DNAJC1: variants seen among roughly 807,000 people sequenced by gnomAD.
DNAJC1 encodes the protein dnaJ homolog subfamily C member 1.
A neutral mutation model predicts 76.6 loss-of-function variants in DNAJC1; 58 were observed. That is an observed-to-expected ratio of 0.76 (90% CI 0.61 to 0.94). The LOEUF (loss-of-function observed/expected upper bound fraction) is 0.94, where lower values mean the gene tolerates loss of function less well. Ranked by LOEUF, DNAJC1 falls within the 40% of genes least tolerant of loss-of-function variation. DNAJC1 has a pLI of 0.00. For synonymous variants in DNAJC1, 258 were observed against 267.9 expected, an observed-to-expected ratio of 0.96 and a Z score of 0.36; for missense variants, 689 against 677.3, an observed-to-expected ratio of 1.02 and a Z score of -0.19.
At chr10:21,977,509 G>C (rs1838085524) in intron 1 of DNAJC1, among the ~76,000 whole-genome samples, 1 of 152,128 alleles carries the variant, frequency 6.6e-6, no homozygotes. Context: ...GAAAAGACTT[G>C]TGTGGCTTAA....
chr10:21,863,081 G>A lies in DNAJC1; in HGVS notation c.978+19201C>T, dbSNP rs183935183. Among the ~76,000 whole-genome samples, 97 of 152,142 alleles carry A rather than the reference G, an allele frequency of 6.4e-4. 2 individuals carry two copies. Among genetic ancestry groups the A allele is most frequent in the Admixed American group, 4.9e-3 (75 of 15,288 alleles). On this transcript the variant is annotated intron_variant, in intron 8 of 11. Transcript: ENST00000376980. ...CGGGAGGCGGAGGTTGCAGTGTGCC[G>A]AGATCGCGCCATTGCACTCCAGCCT... is the stretch of plus-strand genomic sequence containing the variant.
chr10:21,919,749 T>C (rs930629601), intron 5 of DNAJC1, 83 bp downstream of exon 5: 71 of 899,860 alleles, frequency 7.9e-5, no homozygotes, highest in East Asian at 2.2e-4. Context: ...CACATGTAAA[T>C]AGACATACAT....
At chr10:21,898,045 C>G (rs999946545) in intron 7 of DNAJC1, among the ~76,000 whole-genome samples, 1 of 152,084 alleles carries the variant, frequency 6.6e-6, no homozygotes, top group Non-Finnish European at 1.5e-5. Context: ...TATCTGCATT[C>G]AAAAATCAAT....
At chr10:21,817,997 A>G (rs1264502946) in intron 8 of DNAJC1, among the ~76,000 whole-genome samples, 2 of 152,208 alleles carry the variant, frequency 1.3e-5, no homozygotes, top group South Asian at 2.1e-4. Context: ...TATTTGAACA[A>G]TATGAAATCT....
At chr10:21,911,652 T>G (rs561797112) in intron 6 of DNAJC1, among the ~76,000 whole-genome samples, 3 of 152,330 alleles carry the variant, frequency 2.0e-5, no homozygotes, top group Non-Finnish European at 4.4e-5. Context: ...AGCCATTTAT[T>G]CAGCCCTAAC....
intron 9 of DNAJC1, among the ~76,000 whole-genome samples, chr10:21,771,794 G>A (rs1419825359): frequency 2.6e-5 from 4 of 152,112 alleles, no homozygotes; most frequent in East Asian, 1.9e-4. Flanking sequence ...CACTGAGTCC[G>A]GCTCAAACAC....
intron 1 of DNAJC1, among the ~76,000 whole-genome samples, chr10:21,994,312 A>G (rs1838377729): frequency 6.6e-6 from 1 of 152,224 alleles, no homozygotes; most frequent in South Asian, 2.1e-4. Context: ...GCATGTTGAA[A>G]AACTGTGAAG....
intron 8 of DNAJC1, among the ~76,000 whole-genome samples, chr10:21,818,399 C>T (rs1040875224): frequency 8.5e-5 from 13 of 152,318 alleles, no homozygotes; most frequent in Non-Finnish European, 1.8e-4. Flanking sequence ...CATGCCGAAA[C>T]TTCATTAGCA....
At chr10:21,790,548 C>A (rs185631009) in intron 9 of DNAJC1, among the ~76,000 whole-genome samples, 86 of 147,474 alleles carry the variant, frequency 5.8e-4, no homozygotes, top group East Asian at 5.5e-3. Context: ...CTGTACCCAG[C>A]AAAACTATCT....
chr10:21,915,604 G>C (rs887975320), intron 6 of DNAJC1, among the ~76,000 whole-genome samples: 1 of 152,070 alleles, frequency 6.6e-6, no homozygotes, highest in Non-Finnish European at 1.5e-5. Context: ...ACTTACATGT[G>C]CTTAACTAAT....
chr10:21,980,754 A>G (rs1838142280), intron 1 of DNAJC1, among the ~76,000 whole-genome samples: 1 of 152,156 alleles, frequency 6.6e-6, no homozygotes, highest in African/African-American at 2.4e-5. Context: ...ACCTTTTGTT[A>G]AGCCTAAAAT....
At chr10:21,865,948 A>T (rs1384254103) in intron 8 of DNAJC1, 1 of 152,118 alleles carries the variant, frequency 6.6e-6, no homozygotes, top group African/African-American at 2.4e-5. Flanking sequence ...CAGCCTGGCC[A>T]ACATGGTGAA....
intron 7 of DNAJC1, among the ~76,000 whole-genome samples, chr10:21,901,956 TA>T (rs1011879119): frequency 3.9e-5 from 6 of 152,188 alleles, no homozygotes; most frequent in African/African-American, 1.2e-4. Context: ...ATGAAGTTAA[TA>T]AAATTAATTA....
intron 7 of DNAJC1, among the ~76,000 whole-genome samples, chr10:21,902,525 G>T (rs1383576037): frequency 6.6e-6 from 1 of 152,056 alleles, no homozygotes; most frequent in African/African-American, 2.4e-5. Context: ...GGTGGGTCTC[G>T]AACTCCTGAC....
At chr10:21,798,224 A>C (rs1043212675) in intron 9 of DNAJC1, among the ~76,000 whole-genome samples, 5 of 152,116 alleles carry the variant, frequency 3.3e-5, no homozygotes, top group Non-Finnish European at 7.4e-5. Context: ...GTCCAAAACC[A>C]CCATTGTGTT....
At chr10:21,795,659 G>T (rs1362186494) in intron 9 of DNAJC1, among the ~76,000 whole-genome samples, 1 of 152,144 alleles carries the variant, frequency 6.6e-6, no homozygotes, top group African/African-American at 2.4e-5. Context: ...AATAACATGA[G>T]ATTTACTCTC....
chr10:22,003,313 G>A lies in DNAJC1; in HGVS notation c.122C>T (p.Ala41Val), dbSNP rs1448827283. Residue 41 changes from alanine (A) to valine (V), a missense_variant, in exon 1 of 12, where the codon GCC (alanine) becomes GTC (valine). Physicochemically the swap from Ala to Val is moderately conservative, Grantham distance 64. Coordinates refer to ENST00000376980, the MANE Select transcript of DNAJC1 (RefSeq NM_022365.4). Reference protein sequence around the residue: ...LLWLLLLLLAAVAPARGWESG... With the variant: ...LLWLLLLLLAVVAPARGWESG... ...CTCCCAGCCGCGCGCCGGCGCCACG[G>A]CGGCCAGCAGCAGCAGCAGCAGCCA... is the stretch of plus-strand genomic sequence containing the variant. The A allele has an allele frequency of 2.0e-6, 3 of 1,523,250 alleles. No homozygotes were observed. In the African/African-American group the frequency reaches 4.3e-5, roughly 22 times the overall value. 94.4% of individuals were successfully genotyped at this position (1,523,250 alleles called of 1,614,324 possible).
rs370249714 is a variant in DNAJC1 at position 21,930,635 on chromosome 10, C to T, written c.223-1494G>A. Among the ~76,000 whole-genome samples the T allele has an allele frequency of 2.6e-5, 4 of 152,182 alleles. No individual in the cohort carries two copies. In the East Asian group the frequency reaches 7.7e-4, roughly 29 times the overall value. On this transcript the variant is annotated intron_variant, in intron 1 of 11. Transcript: ENST00000376980. The stretch of plus-strand genomic sequence containing the variant: ...ACCCAGGGTGTGAGTATTTTTGTGA[C>T]TTGTGGAAGGCTGAGGAGCTATAAA...
intron 1 of DNAJC1, among the ~76,000 whole-genome samples, chr10:21,982,581 C>A (rs1838174465): frequency 6.6e-6 from 1 of 151,990 alleles, no homozygotes; most frequent in Non-Finnish European, 1.5e-5. Context: ...GGACAAAGGA[C>A]TTCAACAGAC....
Sources: allele counts gnomAD v4.1 joint callset (sites outside exome capture counted in the v4.1 genomes callset), GRCh38; gene constraint gnomAD v4.1.1; transcripts MANE v1.5; gene names NCBI Gene and HGNC (gene_info 2026-07-23, HGNC 2026-07-21).